HYCC2: variants seen among roughly 807,000 people sequenced by gnomAD.
HYCC2 encodes hyccin 2.
chr2:201,056,948 C>T, the HYCC2 span, among the ~76,000 whole-genome samples: 6 of 152,198 alleles, frequency 3.9e-5, 1 homozygote, highest in African/African-American at 1.4e-4. Flanking sequence ...TGCCCTCTTC[C>T]TATTACATGC....
the HYCC2 span, among the ~76,000 whole-genome samples, chr2:200,990,455 G>A: frequency 6.6e-6 from 1 of 152,062 alleles, no homozygotes; most frequent in African/African-American, 2.4e-5. Flanking sequence ...AGGCTAGAGT[G>A]CAGTAGCATG....
the HYCC2 span, chr2:200,974,028 ATCT>A: frequency 2.0e-5 from 3 of 152,134 alleles, no homozygotes; most frequent in African/African-American, 7.2e-5. Context: ...AATAAATATG[ATCT>A]TAAATTCACG....
chr2:201,039,568 G>A, the HYCC2 span, among the ~76,000 whole-genome samples: 1 of 152,130 alleles, frequency 6.6e-6, no homozygotes, highest in Admixed American at 6.6e-5. Context: ...CAATTTTGTT[G>A]TCTTTTTTTC....
chr2:200,989,119 C>T, the HYCC2 span, among the ~76,000 whole-genome samples: 1 of 152,158 alleles, frequency 6.6e-6, no homozygotes, highest in Non-Finnish European at 1.5e-5. Context: ...TACTTGTTCC[C>T]CATCTACGAA....
chr2:201,067,447 C>T, the HYCC2 span, among the ~76,000 whole-genome samples: 5 of 152,096 alleles, frequency 3.3e-5, no homozygotes, highest in Admixed American at 6.6e-5. Flanking sequence ...ATATTTCAAA[C>T]CTAGAAAGTA....
chr2:201,037,844 T>C, the HYCC2 span, among the ~76,000 whole-genome samples: 1 of 152,112 alleles, frequency 6.6e-6, no homozygotes, highest in African/African-American at 2.4e-5. Context: ...AAGGACTTCA[T>C]GTCTAAAACA....
chr2:201,016,065 T>C, the HYCC2 span, among the ~76,000 whole-genome samples: 40 of 152,288 alleles, frequency 2.6e-4, no homozygotes, highest in African/African-American at 9.1e-4. Context: ...ACACATGTAA[T>C]TCTCCATATT....
At chr2:201,035,055 T>C in the HYCC2 span, among the ~76,000 whole-genome samples, 2 of 152,170 alleles carry the variant, frequency 1.3e-5, no homozygotes, top group Admixed American at 1.3e-4. Flanking sequence ...CATTTCAACT[T>C]TGGTGAATCT....
chr2:201,006,702 C>G, the HYCC2 span, among the ~76,000 whole-genome samples: 16 of 152,112 alleles, frequency 1.1e-4, no homozygotes, highest in Non-Finnish European at 2.4e-4. Context: ...CTGACTGGCA[C>G]TCTATGAATG....
chr2:201,066,495 C>A, the HYCC2 span, among the ~76,000 whole-genome samples: 2 of 152,026 alleles, frequency 1.3e-5, no homozygotes, highest in African/African-American at 2.4e-5. Context: ...AAATAAAGAA[C>A]GAATACACAG....
the HYCC2 span, among the ~76,000 whole-genome samples, chr2:200,987,179 A>G: frequency 6.6e-6 from 1 of 152,210 alleles, no homozygotes; most frequent in Non-Finnish European, 1.5e-5. Flanking sequence ...AATAGTAACT[A>G]AAGATTGCAC....
the HYCC2 span, among the ~76,000 whole-genome samples, chr2:201,044,983 C>T: frequency 1.1e-4 from 16 of 152,152 alleles, no homozygotes; most frequent in African/African-American, 2.9e-4. Context: ...ATGAAATAGC[C>T]AGTGATGGTT....
chr2:201,062,725 G>C, the HYCC2 span, among the ~76,000 whole-genome samples: 5 of 151,246 alleles, frequency 3.3e-5, no homozygotes, highest in Non-Finnish European at 5.9e-5. Context: ...GGCAGAGATG[G>C]GAGGATCATT....
At chr2:200,988,143 A>T in the HYCC2 span, 1 of 734,406 alleles carries the variant, frequency 1.4e-6, no homozygotes, top group Non-Finnish European at 2.0e-6. Flanking sequence ...TGATATTTTT[A>T]ACAAAAAAAA....
the HYCC2 span, among the ~76,000 whole-genome samples, chr2:200,989,952 C>T: frequency 6.6e-6 from 1 of 151,354 alleles, no homozygotes; most frequent in East Asian, 1.9e-4. Context: ...AATAAAAATC[C>T]ATAGTCAAAT....
chr2:201,028,537 G>A, the HYCC2 span, among the ~76,000 whole-genome samples: 116 of 152,076 alleles, frequency 7.6e-4, no homozygotes, highest in African/African-American at 2.5e-3. Context: ...CAAAGCTGGA[G>A]GCATCACACT....
At chr2:201,060,619 T>C in the HYCC2 span, among the ~76,000 whole-genome samples, 364 of 152,312 alleles carry the variant, frequency 2.4e-3, 1 homozygote, top group African/African-American at 8.1e-3. Context: ...AGAGTTGCCA[T>C]ATAGGCCCTA....
the HYCC2 span, among the ~76,000 whole-genome samples, chr2:200,999,161 T>C: frequency 6.6e-6 from 1 of 152,296 alleles, no homozygotes; most frequent in South Asian, 2.1e-4. Flanking sequence ...TCTAGGGAAT[T>C]TGACCACTCT....
At chr2:201,054,092 A>G in the HYCC2 span, among the ~76,000 whole-genome samples, 48 of 152,362 alleles carry the variant, frequency 3.2e-4, no homozygotes, top group East Asian at 8.1e-3. Context: ...CCAGAAGGTC[A>G]TATTTATGCA....
Sources: gnomAD v4.1 joint callset for allele counts (sites outside exome capture counted in the v4.1 genomes callset) on GRCh38, gnomAD v4.1.1 for gene constraint, MANE v1.5 for transcripts, NCBI Gene and HGNC (gene_info 2026-07-23, HGNC 2026-07-21) for gene names.